The following TCF7L2 variants were observed in gnomAD, a reference collection of about 807,000 sequenced individuals.
TCF7L2 encodes transcription factor 7 like 2, also known as transcription factor 7-like 2.
A neutral mutation model predicts 77.9 loss-of-function variants in TCF7L2; 23 were observed. The ratio of observed to expected loss-of-function variants is 0.30; its 90% CI spans 0.21 to 0.42. The LOEUF (loss-of-function observed/expected upper bound fraction) is 0.42, where lower values mean the gene tolerates loss of function less well. Among genes scored for constraint, TCF7L2 ranks in the 10% least tolerant of loss-of-function variants. The pLI is 1.00. For missense variants in TCF7L2, 654 were observed against 793.1 expected (o/e 0.82, Z 2.11); for synonymous variants, 413 against 340.2 (o/e 1.21, Z -2.36).
At chr10:113,025,165 C>T (rs892912405) in intron 4 of TCF7L2, among the ~76,000 whole-genome samples, 74 of 151,770 alleles carry the variant, frequency 4.9e-4, no homozygotes, top group Non-Finnish European at 9.4e-4. Context: ...TCAAGTGATC[C>T]TCCCATCTCA....
chr10:113,156,702 C>G (rs553926772), intron 11 of TCF7L2, among the ~76,000 whole-genome samples: 1 of 152,210 alleles, frequency 6.6e-6, no homozygotes, highest in Non-Finnish European at 1.5e-5. Context: ...ATGAAAGACT[C>G]CATGCAGTTC....
chr10:113,122,171 A>C (rs2064912587), intron 5 of TCF7L2, among the ~76,000 whole-genome samples: 1 of 152,224 alleles, frequency 6.6e-6, no homozygotes, highest in African/African-American at 2.4e-5. Flanking sequence ...AAATTCTGAC[A>C]TTCTAGTTTA....
At chr10:113,097,762 C>T (rs2061200576) in intron 5 of TCF7L2, among the ~76,000 whole-genome samples, 1 of 149,600 alleles carries the variant, frequency 6.7e-6, no homozygotes, top group East Asian at 2.0e-4. Flanking sequence ...TTCAGAAACA[C>T]AGGTCATGGC....
chr10:113,115,653 G>A (rs971936099), intron 5 of TCF7L2, among the ~76,000 whole-genome samples: 3 of 152,178 alleles, frequency 2.0e-5, no homozygotes, highest in Admixed American at 1.3e-4. Context: ...GAAGGCTGAA[G>A]TAGAAGGGGC....
intron 4 of TCF7L2, among the ~76,000 whole-genome samples, chr10:112,989,901 A>G (rs1487203923): frequency 1.3e-5 from 2 of 152,158 alleles, no homozygotes; most frequent in Non-Finnish European, 2.9e-5. Context: ...AGATTTTCTA[A>G]TAGATGGGGT....
intron 5 of TCF7L2, among the ~76,000 whole-genome samples, chr10:113,047,538 T>G (rs1036698878): frequency 1.3e-5 from 2 of 152,146 alleles, no homozygotes; most frequent in African/African-American, 2.4e-5. Flanking sequence ...CAGCATAAAT[T>G]TATATGTTTT....
rs869299420 is a variant in TCF7L2, at chr10:113,117,434, C to CCTCTCTCTCT, written c.553-23735_553-23726dup. 1.2e-3 allele frequency among the ~76,000 whole-genome samples: 49 copies of CCTCTCTCTCT among 39,768 alleles called. 11 individuals carry two copies. In the East Asian group the frequency reaches 0.013, roughly 11 times the overall value. 26.1% of individuals were successfully genotyped at this position (39,768 alleles called of 152,430 possible). On this transcript the variant is annotated intron_variant, in intron 5 of 13. Transcript: ENST00000627217. ...CTCTCTCTCTCTCTCTCTCTCTCTC[C>CCTCTCTCTCT]CTCTCTCTCTCTCTCTCTCTCTCTT...
At chr10:113,073,670 C>T (rs149712703) in intron 5 of TCF7L2, among the ~76,000 whole-genome samples, 8 of 150,848 alleles carry the variant, frequency 5.3e-5, no homozygotes, top group Non-Finnish European at 8.9e-5. Context: ...CCAGCCTGGG[C>T]GACTGTGAGA....
chr10:113,120,001 C>T (rs766059376), intron 5 of TCF7L2, among the ~76,000 whole-genome samples: 5 of 152,148 alleles, frequency 3.3e-5, no homozygotes, highest in Non-Finnish European at 7.3e-5. Context: ...CTTCCTTTCT[C>T]GCCATTTGAA....
chr10:113,006,220 T>C (rs2045527156), intron 4 of TCF7L2, among the ~76,000 whole-genome samples: 1 of 152,208 alleles, frequency 6.6e-6, no homozygotes, highest in African/African-American at 2.4e-5. Flanking sequence ...AATTTCTCTA[T>C]CCCTTTAGCC....
At chr10:113,071,859 A>G (rs1157266127) in intron 5 of TCF7L2, among the ~76,000 whole-genome samples, 1 of 151,996 alleles carries the variant, frequency 6.6e-6, no homozygotes, top group East Asian at 1.9e-4. Flanking sequence ...CCCACCCCCC[A>G]TGAGTGGATT....
At chr10:113,020,935 T>G (rs1231719363) in intron 4 of TCF7L2, among the ~76,000 whole-genome samples, 1 of 152,102 alleles carries the variant, frequency 6.6e-6, no homozygotes, top group Admixed American at 6.6e-5. Context: ...AGAGACTAAC[T>G]CTCTGCTCAT....
intron 5 of TCF7L2, among the ~76,000 whole-genome samples, chr10:113,100,294 C>G (rs748437486): frequency 6.6e-6 from 1 of 152,170 alleles, no homozygotes; most frequent in Non-Finnish European, 1.5e-5. Flanking sequence ...TGATAGGGTA[C>G]TTTAGAAAGC....
chr10:112,973,748 C>A (rs980568628), intron 4 of TCF7L2, among the ~76,000 whole-genome samples: 1 of 152,050 alleles, frequency 6.6e-6, no homozygotes, highest in Non-Finnish European at 1.5e-5. Context: ...TGCCACCACG[C>A]CCTGGCTAAT....
At chr10:113,065,497 C>T (rs1320827938) in intron 5 of TCF7L2, among the ~76,000 whole-genome samples, 1 of 152,120 alleles carries the variant, frequency 6.6e-6, no homozygotes, top group Non-Finnish European at 1.5e-5. Context: ...TTTATGTGGC[C>T]CCGGCTGTCT....
intron 5 of TCF7L2, among the ~76,000 whole-genome samples, chr10:113,066,912 C>T (rs2057335265): frequency 1.3e-5 from 2 of 152,238 alleles, no homozygotes. Context: ...CTTAGCCCAT[C>T]TCCTCATTGG....
chr10:112,968,732 C>T (rs769915645), intron 4 of TCF7L2, among the ~76,000 whole-genome samples: 13 of 152,132 alleles, frequency 8.5e-5, no homozygotes, highest in Non-Finnish European at 1.8e-4. Context: ...GTACCTGCCA[C>T]CACGTTCGGC....
chr10:113,036,376 T>G (rs536109001), intron 4 of TCF7L2, among the ~76,000 whole-genome samples: 2 of 152,198 alleles, frequency 1.3e-5, no homozygotes, highest in East Asian at 3.9e-4. Flanking sequence ...AAGGAGCCTC[T>G]CCTCATTTGC....
At chr10:112,952,379 G>A (rs572945262) in intron 3 of TCF7L2, among the ~76,000 whole-genome samples, 83 of 152,218 alleles carry the variant, frequency 5.5e-4, no homozygotes, top group African/African-American at 1.9e-3. Context: ...AGCGCCCTGG[G>A]CGCCGTGGCG....
Sources: allele counts gnomAD v4.1 joint callset (sites outside exome capture counted in the v4.1 genomes callset), GRCh38; gene constraint gnomAD v4.1.1; transcripts MANE v1.5; gene names NCBI Gene and HGNC (gene_info 2026-07-23, HGNC 2026-07-21).